The following MED13L variants were observed in gnomAD, a reference collection of about 807,000 sequenced individuals.
The protein encoded by MED13L is mediator of RNA polymerase II transcription subunit 13-like.
MED13L carries 7 observed loss-of-function variants against 220.9 expected under a neutral mutation model. The observed-to-expected ratio is 0.03, with a 90% CI of 0.02 to 0.06. The LOEUF is 0.06. Among genes scored for constraint, MED13L ranks in the 10% least tolerant of loss-of-function variants. MED13L has a pLI of 1.00. For synonymous variants in MED13L, 1,011 were observed against 1,015.2 expected (o/e 1.00, Z 0.08); for missense variants, 1,965 against 2,760.5 (o/e 0.71, Z 6.46).
chr12:116,144,277 T>G (rs910072587), intron 2 of MED13L, among the ~76,000 whole-genome samples: 8 of 152,338 alleles, frequency 5.3e-5, no homozygotes, highest in Admixed American at 2.0e-4. Flanking sequence ...TAATTTTGGA[T>G]GAGAAGTAAG....
At chr12:116,147,106 CA>C (rs1877592890) in intron 2 of MED13L, among the ~76,000 whole-genome samples, 1 of 152,050 alleles carries the variant, frequency 6.6e-6, no homozygotes, top group Non-Finnish European at 1.5e-5. Context: ...TCCATTTAAC[CA>C]ATATTCAACA....
intron 4 of MED13L, among the ~76,000 whole-genome samples, chr12:116,046,756 G>A (rs562406219): frequency 2.8e-4 from 42 of 152,210 alleles, no homozygotes; most frequent in Middle Eastern, 3.4e-3. Flanking sequence ...GACGGATCAC[G>A]AGGTCAGGAG....
rs1875610954 is a variant in MED13L, at chr12:115,959,264, C to T, written c.*2002G>A. The T allele has an allele frequency of 6.6e-6, 1 of 152,248 alleles. No individual in the cohort carries two copies. The highest frequency in any genetic ancestry group is 2.1e-4 in the South Asian group (1 of 4,822). 9.4% of individuals were successfully genotyped at this position (152,248 alleles called of 1,614,324 possible). A position where few individuals can be genotyped will look rare whatever the true frequency, so the allele number is the denominator to read the frequency against. On this transcript the variant is annotated 3_prime_UTR_variant, in exon 31 of 31. Coordinates refer to ENST00000281928, the MANE Select transcript of MED13L (RefSeq NM_015335.5). ...TAAAAGACACCAGATGAAAACTACC[C>T]TTTGCTGCCATTTTTTTTAAAGTTT...
At chr12:116,221,479 T>A (rs1195321332) in intron 2 of MED13L, among the ~76,000 whole-genome samples, 1 of 152,144 alleles carries the variant, frequency 6.6e-6, no homozygotes, top group African/African-American at 2.4e-5. Context: ...CACTGCAAGA[T>A]TGATTACCAA....
chr12:116,071,570 G>C (rs1285149452), intron 4 of MED13L, among the ~76,000 whole-genome samples: 1 of 152,128 alleles, frequency 6.6e-6, no homozygotes, highest in African/African-American at 2.4e-5. Context: ...GGGACTATAG[G>C]CATGTGCCAC....
At chr12:116,065,618 G>A (rs1199120369) in intron 4 of MED13L, among the ~76,000 whole-genome samples, 6 of 152,124 alleles carry the variant, frequency 3.9e-5, no homozygotes. Flanking sequence ...AAATATGATT[G>A]CAATACAGTA....
intron 29 of MED13L, 26 bp from the exon 30 acceptor site, chr12:115,963,545 C>T: frequency 1.3e-6 from 2 of 1,536,008 alleles, no homozygotes; most frequent in Non-Finnish European, 1.8e-6. Context: ...AGAGAGTTAC[C>T]TCTCTGGTCT....
At chr12:116,091,147 A>AAAAAAC (rs1872169968) in intron 4 of MED13L, among the ~76,000 whole-genome samples, 1 of 151,412 alleles carries the variant, frequency 6.6e-6, no homozygotes, top group Admixed American at 6.6e-5. Flanking sequence ...AAAAAGAATT[A>AAAAAAC]AAAAACAAGG....
intron 4 of MED13L, among the ~76,000 whole-genome samples, chr12:116,073,461 T>C (rs1870548334): frequency 6.6e-6 from 1 of 152,204 alleles, no homozygotes. Flanking sequence ...TCTCATTCAA[T>C]CGTTCAGTGC....
intron 2 of MED13L, among the ~76,000 whole-genome samples, chr12:116,127,339 GATA>G (rs1453396778): frequency 1.3e-5 from 2 of 152,070 alleles, no homozygotes; most frequent in East Asian, 3.9e-4. Context: ...ATACATATGA[GATA>G]ATAGGTTAAA....
chr12:116,060,673 C>A (rs1429554816), intron 4 of MED13L, among the ~76,000 whole-genome samples: 2 of 150,896 alleles, frequency 1.3e-5, no homozygotes, highest in African/African-American at 4.9e-5. Context: ...GAAAGTACTA[C>A]TTTGGGTTAA....
At chr12:116,017,548 T>C (rs1054156219) in intron 7 of MED13L, among the ~76,000 whole-genome samples, 1 of 152,224 alleles carries the variant, frequency 6.6e-6, no homozygotes, top group Non-Finnish European at 1.5e-5. Flanking sequence ...TTTAATATAG[T>C]TGATTGATGA....
intron 4 of MED13L, among the ~76,000 whole-genome samples, chr12:116,063,903 G>T (rs1869711893): frequency 6.6e-6 from 1 of 152,092 alleles, no homozygotes; most frequent in Admixed American, 6.5e-5. Context: ...AATGGTCTGG[G>T]CTGGGCGCAT....
chr12:116,000,711 A>G (rs962699356), intron 14 of MED13L, among the ~76,000 whole-genome samples: 2 of 152,222 alleles, frequency 1.3e-5, no homozygotes, highest in African/African-American at 4.8e-5. Context: ...TAATAAAAAC[A>G]TGTTTTTACT....
intron 4 of MED13L, among the ~76,000 whole-genome samples, chr12:116,054,210 ACAAACACACAC>A (rs1868752825): frequency 6.7e-6 from 1 of 148,438 alleles, no homozygotes; most frequent in African/African-American, 2.5e-5. Context: ...ACACACACAC[ACAAACACACAC>A]ACACACACAC....
At chr12:116,148,311 C>T (rs976473503) in intron 2 of MED13L, among the ~76,000 whole-genome samples, 9 of 151,646 alleles carry the variant, frequency 5.9e-5, no homozygotes, top group Non-Finnish European at 1.0e-4. Flanking sequence ...ATATTAAATA[C>T]ATTTTTGTGG....
chr12:115,991,527 C>A lies in MED13L; in HGVS notation c.3427G>T (p.Ala1143Ser). Residue 1143 changes from alanine (A) to serine (S), a missense_variant, in exon 17 of 31, where the codon GCG becomes TCG. By Grantham distance (99) the Ala-to-Ser change is moderately conservative. Transcript: ENST00000281928. The surrounding 1 kb of genome is among the most constrained non-coding windows in gnomAD (Gnocchi z 7.7). ...ICACNMNIKG[A>S]DVGLYIPDSS... Reference sequence around the variant, plus strand: ...TCGGGGATGTAAAGCCCGACATCCGCCCCTTTGATGTTCATGTTGCAGGCA... The same window carrying A: ...TCGGGGATGTAAAGCCCGACATCCGACCCTTTGATGTTCATGTTGCAGGCA... 1 of 1,614,116 alleles carries A rather than the reference C, an allele frequency of 6.2e-7. No individual in the cohort carries two copies. Among genetic ancestry groups the A allele is most frequent in the Non-Finnish European group, 8.5e-7 (1 of 1,180,016 alleles).
At chr12:116,019,115 C>T in intron 7 of MED13L, 109 bp downstream of exon 7, 2 of 1,071,522 alleles carry the variant, frequency 1.9e-6, no homozygotes, top group South Asian at 1.6e-5. Flanking sequence ...ACTCTACTAC[C>T]TCCATCTCTT....
intron 6 of MED13L, 87 bp from the exon 7 acceptor site, chr12:116,019,499 G>A (rs900013352): frequency 4.1e-6 from 6 of 1,474,394 alleles, no homozygotes; most frequent in Non-Finnish European, 5.7e-6. Flanking sequence ...TGGTGAAAAT[G>A]AGATGCTCAT....
Sources: gnomAD v4.1 joint callset for allele counts (sites outside exome capture counted in the v4.1 genomes callset) on GRCh38, gnomAD v4.1.1 for gene constraint, Gnocchi (gnomAD v3.1) non-coding constraint, MANE v1.5 for transcripts, NCBI Gene and HGNC (gene_info 2026-07-23, HGNC 2026-07-21) for gene names.